KIAA1217: variants seen among roughly 807,000 people sequenced by gnomAD.
KIAA1217 encodes sickle tail protein homolog.
A neutral mutation model predicts 163.9 loss-of-function variants in KIAA1217; 88 were observed. That is an observed-to-expected ratio of 0.54 (90% CI 0.45 to 0.64). The LOEUF is 0.64. Ranked by LOEUF, KIAA1217 falls within the 30% of genes least tolerant of loss-of-function variation. KIAA1217 has a pLI of 0.00. For synonymous variants in KIAA1217, 903 were observed against 923.1 expected (o/e 0.98, Z 0.39); for missense variants, 2,372 against 2,475.0 (o/e 0.96, Z 0.88).
At chr10:23,849,294 A>C (rs891681988) in intron 1 of KIAA1217, among the ~76,000 whole-genome samples, 3 of 152,122 alleles carry the variant, frequency 2.0e-5, no homozygotes, top group Non-Finnish European at 4.4e-5. Context: ...TCTGGGAACC[A>C]GTTTTTACTT....
At chr10:24,049,030 CAAAAAAAA>C (rs59235039) in intron 2 of KIAA1217, among the ~76,000 whole-genome samples, 2,745 of 86,270 alleles carry the variant, frequency 0.032, 78 homozygotes, top group African/African-American at 0.11. Flanking sequence ...TACTCTGTCT[CAAAAAAAA>C]AAAAAAAAAA....
intron 1 of KIAA1217, among the ~76,000 whole-genome samples, chr10:23,767,963 AAGAGACC>A (rs930082558): frequency 6.6e-6 from 1 of 152,162 alleles, no homozygotes; most frequent in African/African-American, 2.4e-5. Context: ...CTTCTACTTC[AAGAGACC>A]AGAAGGAGGG....
At chr10:23,946,185 C>A (rs970155342) in intron 1 of KIAA1217, among the ~76,000 whole-genome samples, 4 of 151,220 alleles carry the variant, frequency 2.6e-5, no homozygotes, top group Non-Finnish European at 5.9e-5. Flanking sequence ...TCACTTTCTT[C>A]TGGCAGCTTC....
chr10:24,421,888 T>C (rs1374182854), intron 3 of KIAA1217, among the ~76,000 whole-genome samples: 1 of 152,230 alleles, frequency 6.6e-6, no homozygotes, highest in Admixed American at 6.5e-5. Context: ...TTTAGGGCTT[T>C]GGATTTGAAT....
chr10:24,161,212 G>A (rs1405517464), intron 2 of KIAA1217, among the ~76,000 whole-genome samples: 2 of 152,180 alleles, frequency 1.3e-5, no homozygotes, highest in Non-Finnish European at 2.9e-5. Context: ...GGGGAAACAT[G>A]TTCTGGGAAA....
chr10:24,209,051 G>C, upstream of KIAA1217: 1 of 648,768 alleles, frequency 1.5e-6, no homozygotes. Flanking sequence ...CTTTGCACCG[G>C]AGTGGAAAAT....
Position 24,544,165 on chromosome 10 carries a change from A to T in KIAA1217, c.4895A>T (p.Asp1632Val), listed in dbSNP as rs1400610001. The change falls in exon 19 of 21, where the codon GAC (aspartate) becomes GTC (valine). Residue 1632 changes from aspartate (D) to valine (V), a missense_variant. By Grantham distance (152) the Asp-to-Val change is radical (BLOSUM62 -3). Around this residue, in one of 3 missense-constraint regions of KIAA1217, gnomAD observed 690 missense variants for 677.5 expected, o/e 1.02. Coordinates refer to ENST00000376454, the MANE Select transcript of KIAA1217 (RefSeq NM_019590.5). ...GAAATCGCTAGGTCTCAACCTGAAG[A>T]CACCCCTGAAAACACAGTGAGGAGG... ...RFEIARSQPE[D>V]TPENTVRRQE... is the part of the protein sequence containing the mutation. The T allele has an allele frequency of 6.2e-7, 1 of 1,614,018 alleles. No individual in the cohort carries two copies. Among genetic ancestry groups the T allele is most frequent in the Admixed American group, 1.7e-5 (1 of 59,998 alleles).
chr10:24,366,445 A>AAAAACT (rs1444741909), intron 2 of KIAA1217, among the ~76,000 whole-genome samples: 6 of 152,140 alleles, frequency 3.9e-5, no homozygotes, highest in African/African-American at 1.4e-4. Flanking sequence ...ATTCTGTGTC[A>AAAAACT]AAAACTAAAA....
At chr10:23,898,983 A>G (rs893547576) in intron 1 of KIAA1217, among the ~76,000 whole-genome samples, 1 of 152,108 alleles carries the variant, frequency 6.6e-6, no homozygotes, top group African/African-American at 2.4e-5. Context: ...GTTGATGTGT[A>G]TAGCTGTTGT....
chr10:24,486,475 C>T (rs1183092019), intron 6 of KIAA1217, among the ~76,000 whole-genome samples: 1 of 152,182 alleles, frequency 6.6e-6, no homozygotes, highest in East Asian at 1.9e-4. Context: ...TTCCCCTCGC[C>T]ACAAGCCCTG....
At chr10:24,324,514 C>G (rs958015876) in intron 2 of KIAA1217, among the ~76,000 whole-genome samples, 4 of 152,188 alleles carry the variant, frequency 2.6e-5, no homozygotes, top group Admixed American at 2.0e-4. Flanking sequence ...TTGCAGTGAG[C>G]CAAGATCCTG....
At chr10:23,838,475 T>G (rs888493075) in intron 1 of KIAA1217, among the ~76,000 whole-genome samples, 12 of 151,982 alleles carry the variant, frequency 7.9e-5, no homozygotes, top group Non-Finnish European at 1.6e-4. Context: ...TTTTTTTTTC[T>G]TTTTTTGTGG....
chr10:23,713,530 G>A (rs1588646870), intron 1 of KIAA1217, among the ~76,000 whole-genome samples: 1 of 152,120 alleles, frequency 6.6e-6, no homozygotes, highest in East Asian at 1.9e-4. Flanking sequence ...TTTAAATTGT[G>A]TTGACCACTC....
chr10:23,969,876 G>A (rs377594906), intron 1 of KIAA1217, among the ~76,000 whole-genome samples: 1 of 152,208 alleles, frequency 6.6e-6, no homozygotes, highest in Admixed American at 6.5e-5. Context: ...TTCCACGTGG[G>A]TGGGGAGGCC....
intron 1 of KIAA1217, among the ~76,000 whole-genome samples, chr10:23,964,101 A>C (rs1351797300): frequency 4.6e-5 from 7 of 151,788 alleles, no homozygotes; most frequent in Admixed American, 4.6e-4. Flanking sequence ...ACGGGGTTTC[A>C]CCATGTTGGC....
chr10:24,337,682 C>T (rs1422585496), intron 2 of KIAA1217, among the ~76,000 whole-genome samples: 1 of 136,318 alleles, frequency 7.3e-6, no homozygotes, highest in African/African-American at 2.8e-5. Flanking sequence ...CTCATACTGT[C>T]GCCCAGGCTG....
chr10:23,756,128 CT>C (rs374311551), intron 1 of KIAA1217, among the ~76,000 whole-genome samples: 9,787 of 139,526 alleles, frequency 0.07, 408 homozygotes, highest in African/African-American at 0.13. Context: ...GGCTAATTTT[CT>C]TTTTTTTTTT....
intron 2 of KIAA1217, among the ~76,000 whole-genome samples, chr10:24,162,518 A>G (rs2065166356): frequency 6.6e-6 from 1 of 152,220 alleles, no homozygotes; most frequent in Admixed American, 6.5e-5. Flanking sequence ...CCTCTGTGCA[A>G]GGAGTGAGAA....
At chr10:23,825,316 C>T (rs749342605) in intron 1 of KIAA1217, among the ~76,000 whole-genome samples, 5 of 152,188 alleles carry the variant, frequency 3.3e-5, no homozygotes, top group Admixed American at 6.5e-5. Flanking sequence ...TAACTCAGAA[C>T]ATACTTTCTT....
Sources: allele counts gnomAD v4.1 joint callset (sites outside exome capture counted in the v4.1 genomes callset), GRCh38; gene constraint gnomAD v4.1.1; regional missense constraint gnomAD v4.1.1; transcripts MANE v1.5; gene names NCBI Gene and HGNC (gene_info 2026-07-23, HGNC 2026-07-21).